PYCR2: variants seen among roughly 807,000 people sequenced by gnomAD.
PYCR2 encodes the protein pyrroline-5-carboxylate reductase 2, also known as P5C reductase 2.
A neutral mutation model predicts 23.4 loss-of-function variants in PYCR2; 17 were observed. The ratio of observed to expected loss-of-function variants is 0.73; its 90% CI spans 0.50 to 1.09. PYCR2 has a LOEUF of 1.09. Ranked by LOEUF, PYCR2 falls within the 50% of genes least tolerant of loss-of-function variation. The pLI, the probability that PYCR2 is intolerant of heterozygous loss-of-function variation, is 0.00. For missense variants in PYCR2, 380 were observed against 423.5 expected, an observed-to-expected ratio of 0.90 and a Z score of 0.90; for synonymous variants, 172 against 176.6, an observed-to-expected ratio of 0.97 and a Z score of 0.21.
chr1:225,924,229 A>T lies in PYCR2; in HGVS notation c.-119T>A. The T allele has an allele frequency of 9.0e-7, 1 of 1,112,324 alleles. No individual in the cohort carries two copies. Among genetic ancestry groups the T allele is most frequent in the Non-Finnish European group, 1.2e-6 (1 of 801,280 alleles). 68.9% of individuals were successfully genotyped at this position (1,112,324 alleles called of 1,614,324 possible). On this transcript the variant is annotated 5_prime_UTR_variant, in exon 1 of 7. Transcript: ENST00000343818. ...ACGGGCGGCGTGCCGAGGACCGGCG[A>T]GCTAACAGCAGCTTCTGGGATGGTG...
chr1:225,921,539 G>A lies in PYCR2; in HGVS notation c.633+13C>T, dbSNP rs752294257. On this transcript the variant is annotated intron_variant, in intron 5 of 6. Coordinates refer to ENST00000343818, the MANE Select transcript of PYCR2 (RefSeq NM_013328.4). The surrounding 1 kb of genome is among the most constrained non-coding windows in gnomAD (Gnocchi z 4.2). ...ACACCCTGGTCCTGAACATGCGGGG[G>A]AAAGATACTGACCAGCAAAGCCTGG... The A allele has an allele frequency of 5.0e-6, 8 of 1,613,824 alleles. No individual in the cohort carries two copies. In the East Asian group the frequency reaches 1.8e-4, roughly 36 times the overall value.
intron 1 of PYCR2, 48 bp downstream of exon 1, chr1:225,923,996 G>C (rs1006181643): frequency 6.5e-6 from 10 of 1,529,486 alleles, no homozygotes; most frequent in Non-Finnish European, 8.8e-6. Flanking sequence ...AGGCCCCCTC[G>C]GGCCTCGGGA....
intron 2 of PYCR2, 112 bp downstream of exon 2, chr1:225,923,589 C>A (rs1273897578): frequency 1.0e-5 from 16 of 1,579,596 alleles, no homozygotes; most frequent in Non-Finnish European, 1.4e-5. Flanking sequence ...GTAAAGGTCA[C>A]CGCCGGCCAA....
In PYCR2 at chr1:225,921,463, T is replaced by C; in HGVS notation, c.633+89A>G. ...GCTCCTGCCCAACTGCTACCCCAGC[T>C]TCCCAACCAACTCCCACCTCAGTTC... On this transcript the variant is annotated intron_variant, in intron 5 of 6. Transcript: ENST00000343818. This position sits in a 1 kb window ranked among gnomAD's most constrained non-coding sequence, Gnocchi z 4.2. 6.4e-7 allele frequency: 1 copy of C among 1,563,150 alleles called. No homozygotes were observed. The highest frequency in any genetic ancestry group is 8.8e-7 in the Non-Finnish European group (1 of 1,137,966).
chr1:225,921,360 C>T lies in PYCR2; in HGVS notation c.645G>A (p.Lys215=). ...GATGCTGCTCCGAGTCCAGCAGCAT[C>T]TTGGCAGCTCCCTATGGGGAAGGGC... ...LGAQALLGAA[K]MLLDSEQHPC... is the part of the protein sequence containing the mutation. The change falls in exon 6 of 7, where the codon AAG becomes AAA. Residue 215 remains lysine, a synonymous_variant. Coordinates refer to ENST00000343818, the MANE Select transcript of PYCR2 (RefSeq NM_013328.4). The surrounding 1 kb of genome is among the most constrained non-coding windows in gnomAD (Gnocchi z 4.2). 6.5e-7 allele frequency: 1 copy of T among 1,543,502 alleles called. No homozygotes were observed. Among genetic ancestry groups the T allele is most frequent in the Non-Finnish European group, 9.0e-7 (1 of 1,116,366 alleles).
At position 225,924,139 on chromosome 1, in the gene PYCR2, G is replaced by A. The variant is rs769438078; in HGVS notation, c.-29C>T. On this transcript the variant is annotated 5_prime_UTR_variant, in exon 1 of 7. Coordinates refer to ENST00000343818, the MANE Select transcript of PYCR2 (RefSeq NM_013328.4). The stretch of plus-strand genomic sequence containing the variant: ...CCGCGGTTCACGCCTCCTGGGAGCC[G>A]CACGAACCCCCTCAGCGAGGGACCG... 9 of 1,531,306 alleles carry A rather than the reference G, an allele frequency of 5.9e-6. No individual in the cohort carries two copies. The highest frequency in any genetic ancestry group is 6.1e-6 in the Non-Finnish European group (7 of 1,141,306). 94.9% of individuals were successfully genotyped at this position (1,531,306 alleles called of 1,614,324 possible). A position where few individuals can be genotyped will look rare whatever the true frequency, so the allele number is the denominator to read the frequency against.
rs1056969286 is a variant in PYCR2, at chr1:225,922,500, A to G, written c.139-117T>C. 3 of 1,088,842 alleles carry G rather than the reference A, an allele frequency of 2.8e-6. No homozygotes were observed. The African/African-American group carries it at 4.7e-5, about 17-fold the overall frequency. 67.4% of individuals were successfully genotyped at this position (1,088,842 alleles called of 1,614,324 possible). On this transcript the variant is annotated intron_variant, in intron 2 of 6. Transcript: ENST00000343818. ...CTGCCAGATGCAGCCTGGAATTCTT[A>G]GCTTTATGCCCTCAGGGTTCTACCC...
chr1:225,920,662 C>A, intron 6 of PYCR2, 42 bp from the exon 7 acceptor site: 1 of 1,589,424 alleles, frequency 6.3e-7, no homozygotes. Flanking sequence ...AGGCAATAAA[C>A]CCTGGGGCCA....
At position 225,922,292 on chromosome 1, in the gene PYCR2, A is replaced by G; in HGVS notation, c.230T>C (p.Phe77Ser). The change falls in exon 3 of 7, where the codon TTC becomes TCC. Residue 77 changes from phenylalanine (F) to serine (S), a missense_variant. Physicochemically the swap from Phe to Ser is radical, Grantham distance 155. Coordinates refer to ENST00000343818, the MANE Select transcript of PYCR2 (RefSeq NM_013328.4). ...GTCGGCCCCAATCTCATCCAGGATGAAGGGGATGATATGTGGCTTCACAGC... is the reference window on the plus strand; with the variant it reads ...GTCGGCCCCAATCTCATCCAGGATGGAGGGGATGATATGTGGCTTCACAGC... ...FLAVKPHIIP[F>S]ILDEIGADVQ... The G allele has an allele frequency of 6.2e-7, 1 of 1,614,188 alleles. No individual in the cohort carries two copies. Among genetic ancestry groups the G allele is most frequent in the South Asian group, 1.1e-5 (1 of 91,088 alleles).
rs751497660 is a variant in PYCR2 at position 225,921,163 on chromosome 1, C to A, written c.797+45G>T. ...GTGCTCAACCCAGCCCAGGGACCAA[C>A]CAGGACTGAAGGGTCTGGGACAGAA... is the stretch of plus-strand genomic sequence containing the variant. On this transcript the variant is annotated intron_variant, in intron 6 of 6. Coordinates refer to ENST00000343818, the MANE Select transcript of PYCR2 (RefSeq NM_013328.4). The surrounding 1 kb of genome is among the most constrained non-coding windows in gnomAD (Gnocchi z 4.2). The A allele has an allele frequency of 6.4e-7, 1 of 1,567,018 alleles. No homozygotes were observed. Among genetic ancestry groups the A allele is most frequent in the Non-Finnish European group, 8.7e-7 (1 of 1,149,454 alleles).
intron 2 of PYCR2, 127 bp from the exon 3 acceptor site, chr1:225,922,510 C>T: frequency 3.1e-6 from 3 of 953,826 alleles, no homozygotes; most frequent in South Asian, 3.2e-5. Context: ...AGCTTTATGC[C>T]CTCAGGGTTC....
rs1268486304 is a variant in PYCR2 at position 225,921,167 on chromosome 1, G to A, written c.797+41C>T. The A allele has an allele frequency of 1.0e-5, 16 of 1,576,780 alleles. No homozygotes were observed. Among genetic ancestry groups the A allele is most frequent in the Non-Finnish European group, 1.3e-5 (15 of 1,155,686 alleles). On this transcript the variant is annotated intron_variant, in intron 6 of 6. Coordinates refer to ENST00000343818, the MANE Select transcript of PYCR2 (RefSeq NM_013328.4). The surrounding 1 kb of genome is among the most constrained non-coding windows in gnomAD (Gnocchi z 4.2). ...TCAACCCAGCCCAGGGACCAACCAG[G>A]ACTGAAGGGTCTGGGACAGAAGTCC...
chr1:225,920,487 T>C lies in PYCR2; in HGVS notation c.931A>G (p.Arg311Gly). Residue 311 changes from arginine to glycine, a missense_variant, in exon 7 of 7, where the codon AGA (arginine) becomes GGA (glycine). Physicochemically the swap from Arg to Gly is moderately radical, Grantham distance 125. Coordinates refer to ENST00000343818, the MANE Select transcript of PYCR2 (RefSeq NM_013328.4). ...TTCTTGCCTCCCAGGGCCAGGCTTC[T>C]TGTGAGGAGCTTCCCTGGGCTGGAG... is the stretch of plus-strand genomic sequence containing the variant. ...TPSSPGKLLT[R>G]SLALGGKKD 1.3e-6 allele frequency: 2 copies of C among 1,485,986 alleles called. No homozygotes were observed. Among genetic ancestry groups the C allele is most frequent in the Non-Finnish European group, 1.8e-6 (2 of 1,087,280 alleles). 92.1% of individuals were successfully genotyped at this position (1,485,986 alleles called of 1,614,324 possible).
chr1:225,923,433 T>C, intron 2 of PYCR2: 2 of 1,315,492 alleles, frequency 1.5e-6, no homozygotes, highest in Non-Finnish European at 2.0e-6. Context: ...GTACCTACTA[T>C]GTGCCAGGTG....
chr1:225,921,789 A>G lies in PYCR2; in HGVS notation c.540+69T>C. On this transcript the variant is annotated intron_variant, in intron 4 of 6. Transcript: ENST00000343818. This position sits in a 1 kb window ranked among gnomAD's most constrained non-coding sequence, Gnocchi z 4.2. The stretch of plus-strand genomic sequence containing the variant: ...AAGAGGTGGGCGCCACCCCCAGTCC[A>G]AGCCTGCCTGCCAGCCCATCTTGCT... The G allele has an allele frequency of 6.2e-7, 1 of 1,603,236 alleles. No individual in the cohort carries two copies. The highest frequency in any genetic ancestry group is 1.7e-4 in the Middle Eastern group (1 of 5,964).
In PYCR2 at chr1:225,921,093, T is replaced by TCC. The variant is rs562218520; in HGVS notation, c.797+113_797+114dup. ...TTGTGGTTATTAACAGAGCACAGAC[T>TCC]CCAACACTGCTAAATGGGACCCAAG... On this transcript the variant is annotated intron_variant, in intron 6 of 6. Coordinates refer to ENST00000343818, the MANE Select transcript of PYCR2 (RefSeq NM_013328.4). This position sits in a 1 kb window ranked among gnomAD's most constrained non-coding sequence, Gnocchi z 4.2. 774 of 1,138,276 alleles carry TCC rather than the reference T, an allele frequency of 6.8e-4. 12 individuals carry two copies. The African/African-American group carries it at 0.011, about 16-fold the overall frequency. 70.5% of individuals were successfully genotyped at this position (1,138,276 alleles called of 1,614,324 possible).
At chr1:225,923,929 C>A in intron 1 of PYCR2, 115 bp downstream of exon 1, 1 of 1,475,002 alleles carries the variant, frequency 6.8e-7, no homozygotes, top group Non-Finnish European at 9.2e-7. Flanking sequence ...CAACCAGAGT[C>A]TCATCTACCC....
chr1:225,920,323 G>T lies in PYCR2; in HGVS notation c.*132C>A. 1.1e-6 allele frequency: 1 copy of T among 901,548 alleles called. No homozygotes were observed. Among genetic ancestry groups the T allele is most frequent in the Non-Finnish European group, 1.6e-6 (1 of 641,784 alleles). The allele number at this position is 901,548 out of a possible 1,614,324, so 55.8% of individuals were successfully genotyped here. ...TAAGGAGGTTTTATCACAAGGACCTGAAAACTTCCTAAGCATGCTTTCTCC... is the reference window on the plus strand; with the variant it reads ...TAAGGAGGTTTTATCACAAGGACCTTAAAACTTCCTAAGCATGCTTTCTCC... On this transcript the variant is annotated 3_prime_UTR_variant, in exon 7 of 7. Transcript: ENST00000343818.
In PYCR2 at chr1:225,923,690, G is replaced by A. The variant is rs570748152; in HGVS notation, c.138+11C>T. On this transcript the variant is annotated intron_variant, in intron 2 of 6. Coordinates refer to ENST00000343818, the MANE Select transcript of PYCR2 (RefSeq NM_013328.4). ...CTCCACCCGCTTCCCACTCCGCCCG[G>A]CTCCACCTACCCTGAGCGCGGACAC... is the stretch of plus-strand genomic sequence containing the variant. 2.5e-6 allele frequency: 4 copies of A among 1,613,910 alleles called. No individual in the cohort carries two copies. The Admixed American group carries it at 5.0e-5, about 20-fold the overall frequency.
Sources: gnomAD v4.1 joint callset for allele counts on GRCh38, gnomAD v4.1.1 for gene constraint, Gnocchi (gnomAD v3.1) non-coding constraint, MANE v1.5 for transcripts, NCBI Gene and HGNC (gene_info 2026-07-23, HGNC 2026-07-21) for gene names.